Variants in GRM3 observed in about 807,000 individuals in gnomAD.
The protein encoded by GRM3 is glutamate metabotropic receptor 3, also known as metabotropic glutamate receptor 3.
A neutral mutation model predicts 70.5 loss-of-function variants in GRM3; 26 were observed. The observed-to-expected ratio is 0.37, with a 90% confidence interval of 0.27 to 0.51. The LOEUF (loss-of-function observed/expected upper bound fraction) is 0.51, where lower values mean the gene tolerates loss of function less well. Among genes scored for constraint, GRM3 ranks in the 20% least tolerant of loss-of-function variants. The pLI is 0.93. For missense variants in GRM3, 859 were observed against 1,123.8 expected (o/e 0.76, Z 3.37); for synonymous variants, 443 against 434.9 (o/e 1.02, Z -0.23).
At chr7:86,831,021 C>T (rs992511720) in intron 3 of GRM3, among the ~76,000 whole-genome samples, 1 of 152,210 alleles carries the variant, frequency 6.6e-6, no homozygotes, top group Non-Finnish European at 1.5e-5. Context: ...GGGAGAGATT[C>T]TCCCTCACAG....
At chr7:86,790,359 T>C (rs1311963485) in intron 3 of GRM3, among the ~76,000 whole-genome samples, 1 of 152,220 alleles carries the variant, frequency 6.6e-6, no homozygotes, top group African/African-American at 2.4e-5. Context: ...CAGAATCTGA[T>C]GACTTATCAT....
At chr7:86,740,968 C>A (rs1584206459) in intron 1 of GRM3, among the ~76,000 whole-genome samples, 1 of 152,278 alleles carries the variant, frequency 6.6e-6, no homozygotes, top group Non-Finnish European at 1.5e-5. Context: ...CCTTTGCAGG[C>A]AGATGAAGGA....
chr7:86,694,444 G>A (rs1459781276), intron 1 of GRM3, among the ~76,000 whole-genome samples: 1 of 149,412 alleles, frequency 6.7e-6, no homozygotes. Context: ...CCCGGGAAGT[G>A]GGGCTTGCAG....
At chr7:86,685,763 G>A (rs1421868873) in intron 1 of GRM3, among the ~76,000 whole-genome samples, 5 of 151,832 alleles carry the variant, frequency 3.3e-5, no homozygotes, top group Non-Finnish European at 5.9e-5. Flanking sequence ...AAAATTAGCC[G>A]GGCATGGTGG....
chr7:86,665,063 T>A (rs2115864207), intron 1 of GRM3, among the ~76,000 whole-genome samples: 1 of 152,204 alleles, frequency 6.6e-6, no homozygotes, highest in Admixed American at 6.6e-5. Context: ...TTGTAGTAGC[T>A]GTGAAAGTCT....
chr7:86,856,882 A>T (rs762559718), intron 5 of GRM3, among the ~76,000 whole-genome samples: 1 of 152,118 alleles, frequency 6.6e-6, no homozygotes, highest in Non-Finnish European at 1.5e-5. Context: ...AATAACAGTG[A>T]CCACAAATAT....
At chr7:86,692,541 T>C (rs1794719402) in intron 1 of GRM3, among the ~76,000 whole-genome samples, 1 of 152,194 alleles carries the variant, frequency 6.6e-6, no homozygotes, top group African/African-American at 2.4e-5. Flanking sequence ...TATCCACCTA[T>C]GCACCTGCCA....
chr7:86,668,818 T>A (rs555958595), intron 1 of GRM3, among the ~76,000 whole-genome samples: 1 of 152,192 alleles, frequency 6.6e-6, no homozygotes, highest in Admixed American at 6.6e-5. Flanking sequence ...TGGTTGATCA[T>A]CAGGTGGTGA....
chr7:86,743,264 A>C (rs963090870), intron 1 of GRM3, among the ~76,000 whole-genome samples: 7 of 152,146 alleles, frequency 4.6e-5, no homozygotes, highest in African/African-American at 1.7e-4. Context: ...CTCTGATTTA[A>C]ACTTGCAATA....
At chr7:86,744,510 G>A (rs1391851573) in intron 1 of GRM3, among the ~76,000 whole-genome samples, 1 of 151,670 alleles carries the variant, frequency 6.6e-6, no homozygotes, top group Non-Finnish European at 1.5e-5. Flanking sequence ...GGAGCATGAG[G>A]TTCCAAGGCA....
chr7:86,838,193 T>C (rs1461289741), intron 3 of GRM3, among the ~76,000 whole-genome samples: 4 of 152,184 alleles, frequency 2.6e-5, no homozygotes, highest in Non-Finnish European at 5.9e-5. Context: ...AATATGAGCA[T>C]GCTGTATATA....
chr7:86,864,631 T>TAAAAA lies in GRM3; in HGVS notation c.*278_*282dup, dbSNP rs1799026656. ...ACAGGGTCTGACATGGTCAGTCTAC[T>TAAAAA]AAAAAACAAAAAAAAAAAACAAAAA... On this transcript the variant is annotated 3_prime_UTR_variant, in exon 6 of 6. Coordinates refer to ENST00000361669, the MANE Select transcript of GRM3 (RefSeq NM_000840.3). The TAAAAA allele has an allele frequency of 1.8e-5, 1 of 56,944 alleles. No homozygotes were observed. The highest frequency in any genetic ancestry group is 1.4e-4 in the African/African-American group (1 of 7,090). The allele number at this position is 56,944 out of a possible 1,614,324, so 3.5% of individuals were successfully genotyped here. A position where few individuals can be genotyped will look rare whatever the true frequency, so the allele number is the denominator to read the frequency against.
In GRM3 at chr7:86,864,759, G is replaced by A. The variant is rs1799031942; in HGVS notation, c.*404G>A. 2 of 157,630 alleles carry A rather than the reference G, an allele frequency of 1.3e-5. No homozygotes were observed. The highest frequency in any genetic ancestry group is 2.8e-5 in the Non-Finnish European group (2 of 71,294). The allele number at this position is 157,630 out of a possible 1,614,324, so 9.8% of individuals were successfully genotyped here. ...CCTTGTTGTAACTAATTTAGGATGA[G>A]TTTCTATGTTGTATATTAAAGTTAC... On this transcript the variant is annotated 3_prime_UTR_variant, in exon 6 of 6. Coordinates refer to ENST00000361669, the MANE Select transcript of GRM3 (RefSeq NM_000840.3).
At chr7:86,724,417 C>T (rs911416744) in intron 1 of GRM3, among the ~76,000 whole-genome samples, 4 of 152,142 alleles carry the variant, frequency 2.6e-5, no homozygotes, top group African/African-American at 9.7e-5. Context: ...TATTGTCTAA[C>T]TTTACAGCTT....
rs1294111117 is a variant in GRM3, at chr7:86,786,473, C to A, written c.681C>A (p.Ile227=). The change falls in exon 3 of 6, where the codon ATC becomes ATA. Residue 227 remains isoleucine, a synonymous_variant. Transcript: ENST00000361669. This position sits in a 1 kb window ranked among gnomAD's most constrained non-coding sequence, Gnocchi z 6.0. ...ASEGDYGETG[I]EAFEQEARLR... Reference sequence around the variant, plus strand: ...AGGGTGATTACGGGGAGACAGGGATCGAGGCCTTCGAGCAGGAAGCCCGCC... The same window carrying A: ...AGGGTGATTACGGGGAGACAGGGATAGAGGCCTTCGAGCAGGAAGCCCGCC... The A allele has an allele frequency of 2.5e-6, 4 of 1,614,242 alleles. No individual in the cohort carries two copies. The highest frequency in any genetic ancestry group is 4.5e-5 in the East Asian group (2 of 44,888).
At chr7:86,848,882 T>A (rs1390703958) in intron 4 of GRM3, among the ~76,000 whole-genome samples, 1 of 152,134 alleles carries the variant, frequency 6.6e-6, no homozygotes, top group Admixed American at 6.6e-5. Flanking sequence ...AACACCTGAC[T>A]TTTTGTAAAT....
intron 2 of GRM3, among the ~76,000 whole-genome samples, chr7:86,768,693 G>C (rs1364334103): frequency 6.6e-6 from 1 of 152,066 alleles, no homozygotes; most frequent in Non-Finnish European, 1.5e-5. Flanking sequence ...ATGTACAAGG[G>C]GATAAAGGCC....
intron 1 of GRM3, among the ~76,000 whole-genome samples, chr7:86,685,762 C>T (rs1223612382): frequency 6.6e-6 from 1 of 151,764 alleles, no homozygotes; most frequent in African/African-American, 2.4e-5. Context: ...AAAAATTAGC[C>T]GGGCATGGTG....
At chr7:86,726,150 T>C (rs149434418) in intron 1 of GRM3, among the ~76,000 whole-genome samples, 27 of 152,314 alleles carry the variant, frequency 1.8e-4, no homozygotes, top group African/African-American at 6.3e-4. Context: ...TCACTCTTTT[T>C]ACTAATTGCA....
Sources: gnomAD v4.1 joint callset for allele counts (sites outside exome capture counted in the v4.1 genomes callset) on GRCh38, gnomAD v4.1.1 for gene constraint, Gnocchi (gnomAD v3.1) non-coding constraint, MANE v1.5 for transcripts, NCBI Gene and HGNC (gene_info 2026-07-23, HGNC 2026-07-21) for gene names.